Variants in CELSR1 observed in about 807,000 individuals in gnomAD.
CELSR1 encodes the protein adhesion G protein-coupled receptor C1.
Under a neutral mutation model 249.1 loss-of-function variants are expected in CELSR1, and 110 were observed. That is an observed-to-expected ratio of 0.44 (90% CI 0.38 to 0.52). The LOEUF (loss-of-function observed/expected upper bound fraction) is 0.52, where lower values mean the gene tolerates loss of function less well. Among genes scored for constraint, CELSR1 ranks in the 20% least tolerant of loss-of-function variants. The pLI, the probability that CELSR1 is intolerant of heterozygous loss-of-function variation, is 0.00. For synonymous variants in CELSR1, 2,113 were observed against 1,900.0 expected (o/e 1.11, Z -2.92); for missense variants, 4,109 against 4,296.4 (o/e 0.96, Z 1.22).
At chr22:46,376,648 T>A (rs2078921176) in intron 24 of CELSR1, among the ~76,000 whole-genome samples, 1 of 152,114 alleles carries the variant, frequency 6.6e-6, no homozygotes, top group African/African-American at 2.4e-5. Context: ...CCTGGTGGGA[T>A]TACACGCATG....
rs2147339548 is a variant in CELSR1, at chr22:46,412,360, G to A, written c.4612-601C>T. Among the ~76,000 whole-genome samples, 1 of 152,260 alleles carries A rather than the reference G, an allele frequency of 6.6e-6. No individual in the cohort carries two copies. Among genetic ancestry groups the A allele is most frequent in the South Asian group, 2.1e-4 (1 of 4,816 alleles). On this transcript the variant is annotated intron_variant, in intron 5 of 34. Transcript: ENST00000674500. This position sits in a 1 kb window ranked among gnomAD's most constrained non-coding sequence, Gnocchi z 4.5. ...AAGTTGCAGCCAACACCCAAGTCCT[G>A]GGGCCCCTCCTGTGAACACCCGCTT... is the stretch of plus-strand genomic sequence containing the variant.
In CELSR1 at chr22:46,397,301, T is replaced by TC. The variant is rs1176566938; in HGVS notation, c.5701+372dup. 6.9e-5 allele frequency among the ~76,000 whole-genome samples: 9 copies of TC among 130,152 alleles called. No homozygotes were observed. In the East Asian group the frequency reaches 1.2e-3, roughly 17 times the overall value. The allele number at this position is 130,152 out of a possible 152,430, so 85.4% of individuals were successfully genotyped here. On this transcript the variant is annotated intron_variant, in intron 12 of 34. Coordinates refer to ENST00000674500, the MANE Select transcript of CELSR1 (RefSeq NM_001378328.1). ...GCTTTTTTTTTTTTTTTTTTTTTTTTCGTAGAGATGGGGTTTCACCATGTT... is the reference window on the plus strand; with the variant it reads ...GCTTTTTTTTTTTTTTTTTTTTTTTTCCGTAGAGATGGGGTTTCACCATGTT...
chr22:46,391,309 T>A lies in CELSR1; in HGVS notation c.6149-22A>T, dbSNP rs371114151. ...ATCACTGGGGTAGAGAAGAGAGAAG[T>A]CTGCTCAGCGGGGCACGCCACACCC... On this transcript the variant is annotated intron_variant, in intron 15 of 34. Coordinates refer to ENST00000674500, the MANE Select transcript of CELSR1 (RefSeq NM_001378328.1). The surrounding 1 kb of genome is among the most constrained non-coding windows in gnomAD (Gnocchi z 4.3). 164 of 1,590,250 alleles carry A rather than the reference T, an allele frequency of 1.0e-4. No homozygotes were observed. Among genetic ancestry groups the A allele is most frequent in the Middle Eastern group, 5.0e-4 (3 of 6,042 alleles).
At chr22:46,457,105 G>A (rs1174848594) in intron 2 of CELSR1, among the ~76,000 whole-genome samples, 2 of 152,226 alleles carry the variant, frequency 1.3e-5, no homozygotes, top group South Asian at 2.1e-4. Context: ...ACAGCACTTT[G>A]GGAGGCCGAG....
rs1479702096 is a variant in CELSR1, at chr22:46,438,116, C to T, written c.4406+1073G>A. On this transcript the variant is annotated intron_variant, in intron 3 of 34. Transcript: ENST00000674500. Reference sequence around the variant, plus strand: ...GAGCAATAAAGAAGGGACCCAAAGCCGAGGGGAGGGTTGGAACAATGCAAG... The same window carrying T: ...GAGCAATAAAGAAGGGACCCAAAGCTGAGGGGAGGGTTGGAACAATGCAAG... Among the ~76,000 whole-genome samples the T allele has an allele frequency of 3.3e-5, 5 of 151,804 alleles. No homozygotes were observed. In the South Asian group the frequency reaches 6.2e-4, roughly 19 times the overall value.
At chr22:46,508,432 C>T (rs1404181614) in intron 1 of CELSR1, among the ~76,000 whole-genome samples, 1 of 106,678 alleles carries the variant, frequency 9.4e-6, no homozygotes, top group South Asian at 3.8e-4. Context: ...CACCCTGTGG[C>T]CCCCCCACCC....
Position 46,488,099 on chromosome 22 carries a change from G to A in CELSR1, c.3545-23754C>T, listed in dbSNP as rs1226201048. Among the ~76,000 whole-genome samples the A allele has an allele frequency of 6.6e-6, 1 of 151,808 alleles. No homozygotes were observed. The highest frequency in any genetic ancestry group is 6.6e-5 in the Admixed American group (1 of 15,252). ...GGTGTCAAGTACCAGTGGAGGCACG[G>A]GGAGGGGTCCTGCCCTGCACCTCAG... On this transcript the variant is annotated intron_variant, in intron 1 of 34. Transcript: ENST00000674500. The surrounding 1 kb of genome is among the most constrained non-coding windows in gnomAD (Gnocchi z 4.7).
chr22:46,523,598 T>C (rs738458), intron 1 of CELSR1, among the ~76,000 whole-genome samples: 92,062 of 151,466 alleles, frequency 0.61, 28,998 homozygotes, highest in East Asian at 0.83. Context: ...GGTGGATGGA[T>C]AGTTGGAAGG....
chr22:46,451,283 G>A (rs943694600), intron 2 of CELSR1, among the ~76,000 whole-genome samples: 1 of 152,218 alleles, frequency 6.6e-6, no homozygotes, highest in Non-Finnish European at 1.5e-5. Flanking sequence ...AGCTGGGAAG[G>A]GGGAGGCCAG....
chr22:46,491,201 TA>T (rs2080364069), intron 1 of CELSR1, among the ~76,000 whole-genome samples: 1 of 150,414 alleles, frequency 6.6e-6, no homozygotes. Flanking sequence ...CCACGTCTCC[TA>T]GGGGGAAAAG....
Position 46,399,017 on chromosome 22 carries a change from A to T in CELSR1, c.5413-380T>A, listed in dbSNP as rs1030735921. Among the ~76,000 whole-genome samples, 14 of 152,116 alleles carry T rather than the reference A, an allele frequency of 9.2e-5. No homozygotes were observed. The highest frequency in any genetic ancestry group is 3.4e-4 in the African/African-American group (14 of 41,438). ...CCGCTCACTCATTAACACTGTGGGA[A>T]CCCAAGAGGGTCTCGGCTGAGATCC... On this transcript the variant is annotated intron_variant, in intron 10 of 34. Coordinates refer to ENST00000674500, the MANE Select transcript of CELSR1 (RefSeq NM_001378328.1). This position sits in a 1 kb window ranked among gnomAD's most constrained non-coding sequence, Gnocchi z 5.0.
In CELSR1 at chr22:46,536,486, G is replaced by A; in HGVS notation, c.685C>T (p.Pro229Ser). 1.3e-6 allele frequency: 2 copies of A among 1,592,578 alleles called. No homozygotes were observed. Among genetic ancestry groups the A allele is most frequent in the Admixed American group, 3.5e-5 (2 of 57,324 alleles). The change falls in exon 1 of 35, where the codon CCG becomes TCG. Residue 229 changes from proline to serine, a missense_variant. Physicochemically the swap from Pro to Ser is moderately conservative, Grantham distance 74 (BLOSUM62 -1). Transcript: ENST00000674500. Reference protein sequence around the residue: ...PPNLPEARAGPARRARRGTSG... With the variant: ...PPNLPEARAGSARRARRGTSG... ...GTGCCCCGCCGGGCCCGTCGCGCCG[G>A]CCCCGCCCGGGCTTCGGGCAAGTTC...
rs1258574807 is a variant in CELSR1, at chr22:46,537,600, T to G, written c.-430A>C. 6.8e-6 allele frequency among the ~76,000 whole-genome samples: 1 copy of G among 147,330 alleles called. No individual in the cohort carries two copies. The highest frequency in any genetic ancestry group is 2.5e-5 in the African/African-American group (1 of 40,806). ...CGCCGCGCAGACCCCGGCGGCCGGC[T>G]GCTGCCTGGGCGGTGCGCTTGGCCC... is the stretch of plus-strand genomic sequence containing the variant. On this transcript the variant is annotated 5_prime_UTR_variant, in exon 1 of 35. Coordinates refer to ENST00000674500, the MANE Select transcript of CELSR1 (RefSeq NM_001378328.1). This position sits in a 1 kb window ranked among gnomAD's most constrained non-coding sequence, Gnocchi z 5.8.
At position 46,423,696 on chromosome 22, in the gene CELSR1, G is replaced by T. The variant is rs1406479909; in HGVS notation, c.4611+9697C>A. Among the ~76,000 whole-genome samples the T allele has an allele frequency of 1.3e-5, 2 of 152,084 alleles. No individual in the cohort carries two copies. Among genetic ancestry groups the T allele is most frequent in the Non-Finnish European group, 2.9e-5 (2 of 68,030 alleles). The stretch of plus-strand genomic sequence containing the variant: ...GAGCACTATTAACAAGTATGGGCCG[G>T]GTGCGGTGGCTCACGCCTATAATCC... On this transcript the variant is annotated intron_variant, in intron 5 of 34. Coordinates refer to ENST00000674500, the MANE Select transcript of CELSR1 (RefSeq NM_001378328.1). This position sits in a 1 kb window ranked among gnomAD's most constrained non-coding sequence, Gnocchi z 5.6.
In CELSR1 at chr22:46,534,381, G is replaced by A. The variant is rs2080826772; in HGVS notation, c.2790C>T (p.Thr930=). Residue 930 remains threonine, a synonymous_variant, in exon 1 of 35, where the codon ACC becomes ACT. Transcript: ENST00000674500. This position sits in a 1 kb window ranked among gnomAD's most constrained non-coding sequence, Gnocchi z 9.7. ...CATCGCCGTCGTCCCCACCCTGGAAGGTGTACAGCAGACGCCCATTGGGAC... is the reference window on the plus strand; with the variant it reads ...CATCGCCGTCGTCCCCACCCTGGAAAGTGTACAGCAGACGCCCATTGGGAC... The part of the protein sequence containing the change: ...DSGPNGRLLY[T]FQGGDDGDGD... 1.9e-6 allele frequency: 3 copies of A among 1,612,882 alleles called. No individual in the cohort carries two copies. Among genetic ancestry groups the A allele is most frequent in the African/African-American group, 1.3e-5 (1 of 75,068 alleles).
chr22:46,497,578 C>G (rs895775466), intron 1 of CELSR1, among the ~76,000 whole-genome samples: 2 of 152,198 alleles, frequency 1.3e-5, no homozygotes, highest in Non-Finnish European at 2.9e-5. Flanking sequence ...CTGCTCTCTT[C>G]TTTTAGAAGG....
chr22:46,365,539 G>T, intron 31 of CELSR1, 47 bp downstream of exon 31: 1 of 1,550,252 alleles, frequency 6.5e-7, no homozygotes, highest in Non-Finnish European at 8.7e-7. Context: ...CCGAAGGGAC[G>T]TGGGAAAAAC....
rs1208060529 is a variant in CELSR1 at position 46,367,177 on chromosome 22, G to A, written c.8080-59C>T. 5 of 1,578,804 alleles carry A rather than the reference G, an allele frequency of 3.2e-6. No individual in the cohort carries two copies. The African/African-American group carries it at 5.4e-5, about 17-fold the overall frequency. On this transcript the variant is annotated intron_variant, in intron 28 of 34. Transcript: ENST00000674500. ...CTGCCTCCCTAGGCACCTGCCCTTA[G>A]GCGCCCCAGCACAGATGCGCATACA... is the stretch of plus-strand genomic sequence containing the variant.
intron 27 of CELSR1, 93 bp from the exon 28 acceptor site, chr22:46,367,948 C>G (rs1316330428): frequency 2.7e-6 from 4 of 1,467,784 alleles, no homozygotes; most frequent in Non-Finnish European, 3.6e-6. Context: ...ACCTGCCTGC[C>G]CGTCCGCCCA....
Sources: gnomAD v4.1 joint callset for allele counts (sites outside exome capture counted in the v4.1 genomes callset) on GRCh38, gnomAD v4.1.1 for gene constraint, Gnocchi (gnomAD v3.1) non-coding constraint, MANE v1.5 for transcripts, NCBI Gene and HGNC (gene_info 2026-07-23, HGNC 2026-07-21) for gene names.